Variants in CUX1 observed in about 807,000 individuals in gnomAD.
CUX1 encodes the protein protein CASP.
In CUX1, 31 loss-of-function variants were observed where a neutral mutation model predicts 158.8. The observed-to-expected ratio is 0.20, with a 90% CI of 0.15 to 0.26. The LOEUF (loss-of-function observed/expected upper bound fraction) is 0.26, where lower values mean the gene tolerates loss of function less well. Among genes scored for constraint, CUX1 ranks in the 10% least tolerant of loss-of-function variants. The pLI is 1.00. For missense variants in CUX1, 1,589 were observed against 2,014.6 expected, an observed-to-expected ratio of 0.79 and a Z score of 4.04; for synonymous variants, 879 against 862.1, an observed-to-expected ratio of 1.02 and a Z score of -0.34.
chr7:101,971,314 A>G (rs929897329), intron 2 of CUX1, among the ~76,000 whole-genome samples: 7 of 152,182 alleles, frequency 4.6e-5, no homozygotes, highest in Admixed American at 4.6e-4. Flanking sequence ...TATGACAAGC[A>G]AGGCATGAGA....
chr7:102,010,350 C>T (rs530821507), intron 2 of CUX1, among the ~76,000 whole-genome samples: 8 of 147,462 alleles, frequency 5.4e-5, no homozygotes, highest in East Asian at 4.0e-4. Flanking sequence ...GCTGAGATCA[C>T]GCCACTGTAC....
chr7:102,063,689 T>G (rs1466509723), intron 3 of CUX1, among the ~76,000 whole-genome samples: 2 of 151,970 alleles, frequency 1.3e-5, no homozygotes, highest in African/African-American at 4.8e-5. Flanking sequence ...CACCGTGCCT[T>G]GTCAAGAACC....
intron 8 of CUX1, among the ~76,000 whole-genome samples, chr7:102,152,274 T>C (rs1243649389): frequency 2.6e-5 from 4 of 152,164 alleles, no homozygotes; most frequent in Admixed American, 2.6e-4. Context: ...TCACTTGAGC[T>C]CAGGACAAGA....
In CUX1 at chr7:102,253,138, C is replaced by G. The variant is rs1478258790; in HGVS notation, c.*4096C>G. On this transcript the variant is annotated 3_prime_UTR_variant, in exon 24 of 24. Transcript: ENST00000292535. ...TCCTTCCTGTCGCCATCTTTGTTTT[C>G]TTCCCATTGAAAAACCATCCTGTCT... is the stretch of plus-strand genomic sequence containing the variant. 1.1e-5 allele frequency: 11 copies of G among 985,546 alleles called. No homozygotes were observed. Among genetic ancestry groups the G allele is most frequent in the Non-Finnish European group, 1.2e-5 (10 of 830,002 alleles). 61.1% of individuals were successfully genotyped at this position (985,546 alleles called of 1,614,324 possible). A position where few individuals can be genotyped will look rare whatever the true frequency, so the allele number is the denominator to read the frequency against.
At chr7:101,867,911 A>G (rs1038514764) in intron 1 of CUX1, among the ~76,000 whole-genome samples, 1 of 151,760 alleles carries the variant, frequency 6.6e-6, no homozygotes, top group South Asian at 2.1e-4. Context: ...GGGTTTCACC[A>G]TGTTGGCCAG....
At position 101,976,900 on chromosome 7, in the gene CUX1, A is replaced by ATTTTTTT. The variant is rs10643207; in HGVS notation, c.142-51176_142-51170dup. Reference sequence around the variant, plus strand: ...ATTTGAATAGTCTTTTCCCTTTCTGATTTTTTTTTTTTTTTTTTTTTTTTT... The same window carrying ATTTTTTT: ...ATTTGAATAGTCTTTTCCCTTTCTGATTTTTTTTTTTTTTTTTTTTTTTTTTTTTTTT... On this transcript the variant is annotated intron_variant, in intron 2 of 23. Coordinates refer to ENST00000292535, the MANE Select transcript of CUX1 (RefSeq NM_181552.4). Among the ~76,000 whole-genome samples, 108 of 39,462 alleles carry ATTTTTTT rather than the reference A, an allele frequency of 2.7e-3. 21 individuals are homozygous for ATTTTTTT. Among genetic ancestry groups the ATTTTTTT allele is most frequent in the African/African-American group, 7.3e-3 (66 of 9,028 alleles). The allele number at this position is 39,462 out of a possible 152,430, so 25.9% of individuals were successfully genotyped here.
In CUX1 at chr7:102,178,460, C is replaced by G. The variant is rs1554512674; in HGVS notation, c.829-9C>G. 1 of 1,582,224 alleles carries G rather than the reference C, an allele frequency of 6.3e-7. No individual in the cohort carries two copies. The highest frequency in any genetic ancestry group is 1.3e-5 in the African/African-American group (1 of 74,148). On this transcript the variant is annotated splice_polypyrimidine_tract_variant and intron_variant, in intron 10 of 23. Transcript: ENST00000292535. ...AGCGCAGTTTTGTCATCTCTTTTCT[C>G]CTCCCCAGGAGCAGGCCATAGAGGT...
chr7:102,232,400 C>A (rs1465178979), intron 21 of CUX1, among the ~76,000 whole-genome samples: 3 of 152,162 alleles, frequency 2.0e-5, no homozygotes, highest in African/African-American at 7.2e-5. Context: ...ACTTGGAGGC[C>A]CCCTTCTTAG....
intron 2 of CUX1, among the ~76,000 whole-genome samples, chr7:101,994,874 G>A (rs1374458004): frequency 1.4e-5 from 2 of 147,682 alleles, no homozygotes; most frequent in Non-Finnish European, 3.0e-5. Context: ...AGGACCACTT[G>A]AGCCCAGGAG....
intron 11 of CUX1, among the ~76,000 whole-genome samples, chr7:102,183,905 G>A (rs1413205482): frequency 6.6e-6 from 1 of 152,130 alleles, no homozygotes. Context: ...AGGCCCCTTT[G>A]CTGTTTTTTT....
intron 5 of CUX1, among the ~76,000 whole-genome samples, chr7:102,098,287 T>C (rs1209951413): frequency 6.6e-6 from 1 of 152,234 alleles, no homozygotes; most frequent in Non-Finnish European, 1.5e-5. Context: ...CCTAGTGGCC[T>C]TCCATTGACC....
In CUX1 at chr7:102,256,199, G is replaced by T. The variant is rs1789876982; in HGVS notation, c.*7157G>T. On this transcript the variant is annotated 3_prime_UTR_variant, in exon 24 of 24. Transcript: ENST00000292535. ...ATTCAGAAGCTGAGACCCTTCCCCA[G>T]TGTCTGAGGCCACAGCCATCCCTTC... The T allele has an allele frequency of 2.0e-6, 2 of 985,452 alleles. No homozygotes were observed. The highest frequency in any genetic ancestry group is 2.4e-6 in the Non-Finnish European group (2 of 829,970). The allele number at this position is 985,452 out of a possible 1,614,324, so 61.0% of individuals were successfully genotyped here. A position where few individuals can be genotyped will look rare whatever the true frequency, so the allele number is the denominator to read the frequency against.
At chr7:102,281,098 G>T (rs1302936384) in intron 20 of CUX1, among the ~76,000 whole-genome samples, 1 of 152,228 alleles carries the variant, frequency 6.6e-6, no homozygotes, top group Non-Finnish European at 1.5e-5. Flanking sequence ...GCAGCCTAGA[G>T]TCAGACATGG....
chr7:102,280,790 C>T (rs1554549034), intron 19 of CUX1: 1 of 1,612,722 alleles, frequency 6.2e-7, no homozygotes, highest in South Asian at 1.1e-5. Flanking sequence ...TCCTGACTGT[C>T]CCTCCCTGTG....
intron 20 of CUX1, among the ~76,000 whole-genome samples, chr7:102,219,956 C>T (rs528653346): frequency 6.6e-6 from 1 of 152,320 alleles, no homozygotes; most frequent in African/African-American, 2.4e-5. Flanking sequence ...AGCCCAGCGT[C>T]GCTGCCATGG....
intron 18 of CUX1, among the ~76,000 whole-genome samples, chr7:102,278,482 C>T (rs1218382605): frequency 6.6e-6 from 1 of 151,960 alleles, no homozygotes; most frequent in African/African-American, 2.4e-5. Flanking sequence ...GTCCCAGCTA[C>T]TCAGGAGGCT....
At chr7:102,003,713 A>AT (rs2129281079) in intron 2 of CUX1, among the ~76,000 whole-genome samples, 1 of 152,316 alleles carries the variant, frequency 6.6e-6, no homozygotes, top group Admixed American at 6.5e-5. Context: ...TGGGGATTGA[A>AT]TGAGATATGT....
At position 101,837,817 on chromosome 7, in the gene CUX1, C is replaced by T. The variant is rs145691721; in HGVS notation, c.30+20148C>T. 8.8e-3 allele frequency among the ~76,000 whole-genome samples: 834 copies of T among 94,790 alleles called. 11 individuals are homozygous for T. The highest frequency in any genetic ancestry group is 0.035 in the African/African-American group (771 of 22,124). The allele number at this position is 94,790 out of a possible 152,430, so 62.2% of individuals were successfully genotyped here. ...CTGCATTCCAGCCTGGGTGACAGAA[C>T]GAGACCCTGTCAAAAAAAAAAAAAA... On this transcript the variant is annotated intron_variant, in intron 1 of 23. Coordinates refer to ENST00000292535, the MANE Select transcript of CUX1 (RefSeq NM_181552.4).
Position 102,235,246 on chromosome 7 carries a change from C to T in CUX1, c.3622+1006C>T, listed in dbSNP as rs115665516. ...GGTCCTCGCCAGTGAGTCCGCCCCT[C>T]GAGCACCCTCAGTCCTCAGGTCACC... On this transcript the variant is annotated intron_variant, in intron 22 of 23. Transcript: ENST00000292535. Among the ~76,000 whole-genome samples the T allele has an allele frequency of 3.6e-3, 547 of 152,326 alleles. 2 individuals carry two copies. The highest frequency in any genetic ancestry group is 0.013 in the African/African-American group (524 of 41,582).
Sources: allele counts gnomAD v4.1 joint callset (sites outside exome capture counted in the v4.1 genomes callset), GRCh38; gene constraint gnomAD v4.1.1; transcripts MANE v1.5; gene names NCBI Gene and HGNC (gene_info 2026-07-23, HGNC 2026-07-21).